KSR2: variants seen among roughly 807,000 people sequenced by gnomAD.
KSR2 encodes the protein kinase suppressor of ras 2.
Under a neutral mutation model 107.8 loss-of-function variants are expected in KSR2, and 25 were observed. That is an observed-to-expected ratio of 0.23 (90% CI 0.17 to 0.32). KSR2 has a LOEUF of 0.32. Ranked by LOEUF, KSR2 falls within the 10% of genes least tolerant of loss-of-function variation. KSR2 has a pLI of 1.00. For missense variants in KSR2, 887 were observed against 1,268.9 expected, an observed-to-expected ratio of 0.70 and a Z score of 4.57; for synonymous variants, 480 against 507.0, an observed-to-expected ratio of 0.95 and a Z score of 0.71.
rs185880032 is a variant in KSR2, at chr12:117,723,994, T to C, written c.986+37017A>G. On this transcript the variant is annotated intron_variant, in intron 4 of 19. Transcript: ENST00000339824. ...ATTTACTCTTTAAAACATAATATGTTTTAAAGATAGGGTTAAATATATATC... is the reference window on the plus strand; with the variant it reads ...ATTTACTCTTTAAAACATAATATGTCTTAAAGATAGGGTTAAATATATATC... Among the ~76,000 whole-genome samples, 3 of 152,290 alleles carry C rather than the reference T, an allele frequency of 2.0e-5. No homozygotes were observed. The East Asian group carries it at 5.8e-4, about 29-fold the overall frequency.
At chr12:117,664,839 C>T (rs1041756498) in intron 5 of KSR2, among the ~76,000 whole-genome samples, 4 of 152,126 alleles carry the variant, frequency 2.6e-5, no homozygotes, top group Admixed American at 6.5e-5. Context: ...AATTCTAGCA[C>T]CTGCCTCACA....
At chr12:117,740,243 T>C (rs758874231) in intron 4 of KSR2, among the ~76,000 whole-genome samples, 7 of 149,670 alleles carry the variant, frequency 4.7e-5, no homozygotes, top group Admixed American at 2.0e-4. Context: ...TCCAGGTTGC[T>C]GCGAATGCCA....
At chr12:117,896,295 T>G (rs771736696) in intron 1 of KSR2, among the ~76,000 whole-genome samples, 2 of 152,164 alleles carry the variant, frequency 1.3e-5, no homozygotes, top group Non-Finnish European at 2.9e-5. Context: ...TATAGTATGA[T>G]TCCACTGAAA....
At chr12:117,627,999 T>C (rs1039707037) in intron 5 of KSR2, among the ~76,000 whole-genome samples, 2 of 152,210 alleles carry the variant, frequency 1.3e-5, no homozygotes, top group Admixed American at 6.5e-5. Flanking sequence ...GAATCAGCTA[T>C]TGAAGTTTGT....
intron 16 of KSR2, among the ~76,000 whole-genome samples, chr12:117,478,473 C>T (rs1359835601): frequency 2.6e-5 from 4 of 151,832 alleles, no homozygotes; most frequent in Non-Finnish European, 5.9e-5. Context: ...GTCTGTCTAT[C>T]ACCCAGGCTG....
At chr12:117,478,974 C>T (rs886745266) in intron 16 of KSR2, among the ~76,000 whole-genome samples, 2 of 152,158 alleles carry the variant, frequency 1.3e-5, no homozygotes, top group African/African-American at 4.8e-5. Context: ...CATGTCCTCC[C>T]CCACATCAAC....
intron 3 of KSR2, among the ~76,000 whole-genome samples, chr12:117,831,853 G>A (rs1321063653): frequency 6.6e-6 from 1 of 152,220 alleles, no homozygotes; most frequent in East Asian, 1.9e-4. Flanking sequence ...GCTGGTTAAA[G>A]CTGAATGCAT....
At chr12:117,602,261 T>G (rs1432548143) in intron 5 of KSR2, among the ~76,000 whole-genome samples, 1 of 152,226 alleles carries the variant, frequency 6.6e-6, no homozygotes, top group East Asian at 1.9e-4. Flanking sequence ...AATTAACCAT[T>G]TAAAAGTGTG....
At chr12:117,715,830 ATATCAAGTCAGTTGAG>A (rs1478332607) in intron 4 of KSR2, among the ~76,000 whole-genome samples, 4 of 152,216 alleles carry the variant, frequency 2.6e-5, no homozygotes, top group Non-Finnish European at 4.4e-5. Flanking sequence ...GGTACCTTGG[ATATCAAGTCAGTTGAG>A]TCTCTTTCAA....
chr12:117,856,090 A>G (rs1893093028), intron 2 of KSR2, among the ~76,000 whole-genome samples: 1 of 152,144 alleles, frequency 6.6e-6, no homozygotes, highest in Non-Finnish European at 1.5e-5. Flanking sequence ...TGGTCTTCAG[A>G]AACCCTAATG....
At chr12:117,555,760 G>T (rs1877647952) in intron 8 of KSR2, among the ~76,000 whole-genome samples, 1 of 152,106 alleles carries the variant, frequency 6.6e-6, no homozygotes, top group Non-Finnish European at 1.5e-5. Flanking sequence ...AAACAACTTT[G>T]GATCCCTGAA....
intron 14 of KSR2, among the ~76,000 whole-genome samples, chr12:117,503,785 A>C (rs558940430): frequency 6.6e-5 from 10 of 152,318 alleles, no homozygotes; most frequent in South Asian, 2.1e-4. Context: ...GATAGACCCC[A>C]AAATACAAAG....
chr12:117,570,249 G>A (rs60289672), intron 7 of KSR2, among the ~76,000 whole-genome samples: 127 of 152,244 alleles, frequency 8.3e-4, no homozygotes, highest in East Asian at 8.3e-3. Flanking sequence ...TGATCCGCCC[G>A]CCTCGGCCTC....
Position 117,745,094 on chromosome 12 carries a change from A to G in KSR2, c.986+15917T>C. 1.3e-5 allele frequency among the ~76,000 whole-genome samples: 2 copies of G among 152,112 alleles called. 1 individual carries two copies. On this transcript the variant is annotated intron_variant, in intron 4 of 19. Transcript: ENST00000339824. ...ACATGCCCAGGGTCACACAGTCAGG[A>G]AGGGTGAAAAGAGGAGGCAAACTCA...
Position 117,694,999 on chromosome 12 carries a change from C to T in KSR2, c.987-27341G>A, listed in dbSNP as rs528621518. 8.5e-4 allele frequency among the ~76,000 whole-genome samples: 129 copies of T among 151,948 alleles called. 1 individual carries two copies. Among genetic ancestry groups the T allele is most frequent in the Non-Finnish European group, 7.7e-4 (52 of 67,966 alleles). On this transcript the variant is annotated intron_variant, in intron 4 of 19. Transcript: ENST00000339824. ...CCGAGTAGCTGGGACGACAGGTGCA[C>T]GCCACCACACCCAGCTAATTTTTGT...
At chr12:117,723,430 A>C (rs1350088522) in intron 4 of KSR2, among the ~76,000 whole-genome samples, 2 of 152,160 alleles carry the variant, frequency 1.3e-5, no homozygotes, top group African/African-American at 4.8e-5. Flanking sequence ...TAAGAGGTAG[A>C]TATTATCAAC....
chr12:117,605,399 T>C (rs934176780), intron 5 of KSR2, among the ~76,000 whole-genome samples: 2 of 149,176 alleles, frequency 1.3e-5, no homozygotes, highest in Non-Finnish European at 3.0e-5. Flanking sequence ...TTTATTTTAT[T>C]TTTTAAGTTC....
chr12:117,645,507 C>T (rs1301707856), intron 5 of KSR2, among the ~76,000 whole-genome samples: 1 of 152,210 alleles, frequency 6.6e-6, no homozygotes, highest in Admixed American at 6.5e-5. Flanking sequence ...AGTAAGAAAT[C>T]ATCTCCTCAC....
chr12:117,794,232 T>C (rs1352359487), intron 3 of KSR2, among the ~76,000 whole-genome samples: 2 of 78,338 alleles, frequency 2.6e-5, no homozygotes, highest in Non-Finnish European at 4.4e-5. Flanking sequence ...CACACCAACA[T>C]GCACACTCAC....
Sources: allele counts gnomAD v4.1 joint callset (sites outside exome capture counted in the v4.1 genomes callset), GRCh38; gene constraint gnomAD v4.1.1; transcripts MANE v1.5; gene names NCBI Gene and HGNC (gene_info 2026-07-23, HGNC 2026-07-21).